CACNB4: variants seen among roughly 807,000 people sequenced by gnomAD.
The protein encoded by CACNB4 is calcium voltage-gated channel auxiliary subunit beta 4.
CACNB4 carries 32 observed loss-of-function variants against 71.2 expected under a neutral mutation model. That is an observed-to-expected ratio of 0.45 (90% CI 0.34 to 0.60). CACNB4 has a LOEUF of 0.60. Ranked by LOEUF, CACNB4 falls within the 20% of genes least tolerant of loss-of-function variation. The pLI is 0.01. For missense variants in CACNB4, 464 were observed against 647.9 expected, an observed-to-expected ratio of 0.72 and a Z score of 3.08; for synonymous variants, 231 against 236.9, an observed-to-expected ratio of 0.97 and a Z score of 0.23.
intron 2 of CACNB4, among the ~76,000 whole-genome samples, chr2:152,090,378 G>A (rs1341157381): frequency 6.6e-6 from 1 of 152,174 alleles, no homozygotes; most frequent in African/African-American, 2.4e-5. Flanking sequence ...TTGAAGATGG[G>A]CGCAGTGGCT....
intron 2 of CACNB4, among the ~76,000 whole-genome samples, chr2:152,034,118 T>G (rs1321387488): frequency 1.3e-5 from 2 of 152,244 alleles, no homozygotes; most frequent in Non-Finnish European, 2.9e-5. Context: ...CCTGTCAGGC[T>G]TAAGAGCAAG....
At chr2:151,995,776 C>A (rs1166805365) in intron 2 of CACNB4, among the ~76,000 whole-genome samples, 1 of 152,238 alleles carries the variant, frequency 6.6e-6, no homozygotes, top group Non-Finnish European at 1.5e-5. Context: ...CATTGCCTGG[C>A]AGTTGGGCCC....
rs771388233 is a variant in CACNB4 at position 152,098,761 on chromosome 2, GAGA to G, written c.63+185_63+187del. The G allele has an allele frequency of 1.1e-5, 15 of 1,391,284 alleles. No individual in the cohort carries two copies. Among genetic ancestry groups the G allele is most frequent in the South Asian group, 3.9e-5 (3 of 76,114 alleles). The allele number at this position is 1,391,284 out of a possible 1,614,324, so 86.2% of individuals were successfully genotyped here. On this transcript the variant is annotated intron_variant, in intron 1 of 13. Transcript: ENST00000539935. This position sits in a 1 kb window ranked among gnomAD's most constrained non-coding sequence, Gnocchi z 5.3. ...GAAGGAGGGTGAGGAGGAGGAGGAA[GAGA>G]AGGAGGAGAAAGAGGAGGAGCGGGA...
intron 2 of CACNB4, among the ~76,000 whole-genome samples, chr2:152,027,985 C>T (rs1459496726): frequency 2.6e-5 from 4 of 151,814 alleles, no homozygotes; most frequent in African/African-American, 7.3e-5. Flanking sequence ...TCTTTTTATA[C>T]CTTCTTAGTG....
intron 2 of CACNB4, chr2:151,967,022 T>C (rs959139894): frequency 2.7e-5 from 4 of 149,562 alleles, no homozygotes; most frequent in African/African-American, 9.9e-5. Flanking sequence ...CCCCTGGCAA[T>C]ATGGCGCTGT....
At chr2:152,007,291 T>A (rs1330734684) in intron 2 of CACNB4, among the ~76,000 whole-genome samples, 1 of 152,214 alleles carries the variant, frequency 6.6e-6, no homozygotes, top group Non-Finnish European at 1.5e-5. Context: ...GCAACCATCA[T>A]CACTATCCAT....
chr2:151,876,655 G>A (rs368444405), intron 4 of CACNB4, 99 bp from the exon 5 acceptor site: 4 of 440,076 alleles, frequency 9.1e-6, no homozygotes, highest in Non-Finnish European at 1.5e-5. Flanking sequence ...CTATTTATAT[G>A]ATATGATATG....
At chr2:152,032,995 T>C (rs1054543725) in intron 2 of CACNB4, among the ~76,000 whole-genome samples, 5 of 152,056 alleles carry the variant, frequency 3.3e-5, no homozygotes, top group Non-Finnish European at 7.4e-5. Flanking sequence ...AAAAATGAAC[T>C]AGTTTGGTGT....
chr2:152,048,591 A>C (rs2709770), intron 2 of CACNB4: 151,327 of 152,410 alleles, frequency 0.99, 75,135 homozygotes, highest in Middle Eastern at 1. Context: ...CTCCCACCTT[A>C]TTCTTTGCCA....
Position 152,026,889 on chromosome 2 carries a change from C to A in CACNB4, c.147+71441G>T, listed in dbSNP as rs202182929. 1.5e-4 allele frequency among the ~76,000 whole-genome samples: 22 copies of A among 149,560 alleles called. No homozygotes were observed. In the East Asian group the frequency reaches 4.3e-3, roughly 29 times the overall value. On this transcript the variant is annotated intron_variant, in intron 2 of 13. Coordinates refer to ENST00000539935, the MANE Select transcript of CACNB4 (RefSeq NM_000726.5). ...GGGCTCATCTAACTTGACCCATTGA[C>A]AGCATTTGACACAATTATCTTTCTT...
At chr2:151,994,872 G>T (rs1160605675) in intron 2 of CACNB4, among the ~76,000 whole-genome samples, 2 of 151,982 alleles carry the variant, frequency 1.3e-5, no homozygotes, top group Non-Finnish European at 2.9e-5. Flanking sequence ...GGCCTCAAGT[G>T]ATCCTTCTGC....
chr2:151,957,688 T>A (rs2099868687), intron 2 of CACNB4, among the ~76,000 whole-genome samples: 1 of 152,178 alleles, frequency 6.6e-6, no homozygotes, highest in Non-Finnish European at 1.5e-5. Context: ...ATATGAATCC[T>A]AAGCCTTACT....
intron 2 of CACNB4, among the ~76,000 whole-genome samples, chr2:152,024,624 G>C (rs1683862941): frequency 6.6e-6 from 1 of 152,066 alleles, no homozygotes; most frequent in African/African-American, 2.4e-5. Flanking sequence ...TACTAACATA[G>C]CATACCAACT....
intron 2 of CACNB4, among the ~76,000 whole-genome samples, chr2:151,974,815 C>CAAAAAAAAAAAA (rs35540920): frequency 7.2e-6 from 1 of 137,998 alleles, no homozygotes. Flanking sequence ...TCTGGTCAAC[C>CAAAAAAAAAAAA]AAAAAAAAAA....
At chr2:152,090,665 A>C (rs948473988) in intron 2 of CACNB4, among the ~76,000 whole-genome samples, 2 of 151,810 alleles carry the variant, frequency 1.3e-5, no homozygotes, top group Non-Finnish European at 2.9e-5. Flanking sequence ...AGAAAAAAAG[A>C]AAGATAAAAA....
At chr2:151,941,076 A>G (rs1341191062) in intron 2 of CACNB4, among the ~76,000 whole-genome samples, 2 of 152,190 alleles carry the variant, frequency 1.3e-5, no homozygotes, top group African/African-American at 2.4e-5. Context: ...TTCTAAAAGT[A>G]AAAAACTGGC....
At chr2:152,084,498 C>G (rs1242632911) in intron 2 of CACNB4, among the ~76,000 whole-genome samples, 1 of 152,138 alleles carries the variant, frequency 6.6e-6, no homozygotes, top group African/African-American at 2.4e-5. Flanking sequence ...AAATGGGCAA[C>G]AGGTTAGGGG....
At position 152,098,583 on chromosome 2, in the gene CACNB4, C is replaced by CCCACA; in HGVS notation, c.64-171_64-170insTGTGG. The CCCACA allele has an allele frequency of 9.8e-7, 1 of 1,018,186 alleles. No homozygotes were observed. The highest frequency in any genetic ancestry group is 1.5e-6 in the Non-Finnish European group (1 of 659,028). 63.1% of individuals were successfully genotyped at this position (1,018,186 alleles called of 1,614,324 possible). A position where few individuals can be genotyped will look rare whatever the true frequency, so the allele number is the denominator to read the frequency against. ...AATACAGCCCCCACCCCCACCCACC[C>CCCACA]ACTGCAAGCCTCGACTGCTGAAAAG... On this transcript the variant is annotated intron_variant, in intron 1 of 13. Coordinates refer to ENST00000539935, the MANE Select transcript of CACNB4 (RefSeq NM_000726.5). The surrounding 1 kb of genome is among the most constrained non-coding windows in gnomAD (Gnocchi z 5.3).
intron 2 of CACNB4, among the ~76,000 whole-genome samples, chr2:151,908,779 T>C (rs2099855426): frequency 6.6e-6 from 1 of 152,136 alleles, no homozygotes; most frequent in African/African-American, 2.4e-5. Flanking sequence ...TAGGAATACA[T>C]TTTCTGACTA....
Sources: allele counts gnomAD v4.1 joint callset (sites outside exome capture counted in the v4.1 genomes callset), GRCh38; gene constraint gnomAD v4.1.1; non-coding constraint Gnocchi (gnomAD v3.1); transcripts MANE v1.5; gene names NCBI Gene and HGNC (gene_info 2026-07-23, HGNC 2026-07-21).